Variants in FAM193A observed in about 807,000 individuals in gnomAD.
The protein encoded by FAM193A is protein FAM193A.
In FAM193A, 22 loss-of-function variants were observed where a neutral mutation model predicts 126.5. The ratio of observed to expected loss-of-function variants is 0.17; its 90% CI spans 0.12 to 0.25. FAM193A has a LOEUF of 0.25. Ranked by LOEUF, FAM193A falls within the 10% of genes least tolerant of loss-of-function variation. FAM193A has a pLI of 1.00. For missense variants in FAM193A, 1,675 were observed against 1,672.8 expected (o/e 1.00, Z -0.02); for synonymous variants, 761 against 646.8 (o/e 1.18, Z -2.68).
intron 20 of FAM193A, among the ~76,000 whole-genome samples, chr4:2,731,507 G>A (rs568334633): frequency 2.6e-5 from 4 of 152,098 alleles, no homozygotes; most frequent in East Asian, 3.9e-4. Flanking sequence ...ATTTAAGGGC[G>A]CTCACAGCTC....
intron 2 of FAM193A, among the ~76,000 whole-genome samples, chr4:2,601,560 C>T (rs1475817445): frequency 6.6e-6 from 1 of 150,826 alleles, no homozygotes; most frequent in South Asian, 2.1e-4. Context: ...ATATTTGTGC[C>T]TTCTTTTTTT....
chr4:2,574,088 G>T (rs1312405930), intron 1 of FAM193A, among the ~76,000 whole-genome samples: 1 of 152,060 alleles, frequency 6.6e-6, no homozygotes, highest in African/African-American at 2.4e-5. Flanking sequence ...CAGAAGAGTG[G>T]TATTGTGTCA....
At chr4:2,693,187 T>A (rs756309153) in intron 15 of FAM193A, among the ~76,000 whole-genome samples, 1 of 151,876 alleles carries the variant, frequency 6.6e-6, no homozygotes, top group Non-Finnish European at 1.5e-5. Context: ...CCCAGCTAAT[T>A]TTTTGTATTT....
chr4:2,560,705 A>G (rs1299232664), intron 1 of FAM193A, among the ~76,000 whole-genome samples: 2 of 152,182 alleles, frequency 1.3e-5, no homozygotes, highest in Admixed American at 1.3e-4. Context: ...GGCTTCTGCA[A>G]AACAGCTTTG....
intron 20 of FAM193A, among the ~76,000 whole-genome samples, chr4:2,717,270 G>T (rs761446095): frequency 1.3e-5 from 2 of 152,070 alleles, no homozygotes; most frequent in African/African-American, 4.8e-5. Flanking sequence ...GTGATTAAGC[G>T]TGCATTTGTA....
intron 1 of FAM193A, among the ~76,000 whole-genome samples, chr4:2,549,294 C>T (rs985411605): frequency 1.3e-5 from 2 of 151,188 alleles, no homozygotes; most frequent in African/African-American, 4.9e-5. Context: ...TTCAGTTTAT[C>T]AATTTTTTTC....
chr4:2,607,938 C>G lies in FAM193A; in HGVS notation c.501+11609C>G, dbSNP rs192553829. On this transcript the variant is annotated intron_variant, in intron 2 of 20. Transcript: ENST00000637812. Reference sequence around the variant, plus strand: ...CTATGTGATGGTGTCGCTTTATGAACACAGATTCTTTTCTTTTTTTAACCT... The same window carrying G: ...CTATGTGATGGTGTCGCTTTATGAAGACAGATTCTTTTCTTTTTTTAACCT... 3.0e-5 allele frequency: 42 copies of G among 1,378,468 alleles called. 1 individual carries two copies. The East Asian group carries it at 5.5e-4, about 18-fold the overall frequency. 85.4% of individuals were successfully genotyped at this position (1,378,468 alleles called of 1,614,324 possible).
chr4:2,727,212 T>C (rs1237512384), intron 20 of FAM193A, among the ~76,000 whole-genome samples: 1 of 151,764 alleles, frequency 6.6e-6, no homozygotes, highest in East Asian at 1.9e-4. Context: ...TGAGCCGAGA[T>C]CGCGTCACTG....
At chr4:2,650,868 T>A (rs1745596464) in intron 7 of FAM193A, among the ~76,000 whole-genome samples, 1 of 152,178 alleles carries the variant, frequency 6.6e-6, no homozygotes, top group South Asian at 2.1e-4. Flanking sequence ...AGCAACGGTA[T>A]TTGCCTTTGG....
At chr4:2,548,555 C>A (rs935645483) in intron 1 of FAM193A, among the ~76,000 whole-genome samples, 11 of 151,466 alleles carry the variant, frequency 7.3e-5, no homozygotes, top group African/African-American at 2.4e-4. Context: ...CTCCCAGATT[C>A]AAGTGATTCT....
chr4:2,707,107 G>A (rs1718397776), intron 19 of FAM193A, among the ~76,000 whole-genome samples: 1 of 151,956 alleles, frequency 6.6e-6, no homozygotes, highest in Non-Finnish European at 1.5e-5. Context: ...AGGCAACAGA[G>A]TGAGACTCTG....
chr4:2,689,490 A>G lies in FAM193A; in HGVS notation c.2332-16A>G. ...ATATTAATTTTGATATGTGATTAGAAAATTTTTTTTTGTAGGCTTTACCGC... is the reference window on the plus strand; with the variant it reads ...ATATTAATTTTGATATGTGATTAGAGAATTTTTTTTTGTAGGCTTTACCGC... On this transcript the variant is annotated splice_polypyrimidine_tract_variant and intron_variant, in intron 13 of 20. Coordinates refer to ENST00000637812, the MANE Select transcript of FAM193A (RefSeq NM_001366318.2). 6.5e-7 allele frequency: 1 copy of G among 1,548,004 alleles called. No individual in the cohort carries two copies. The highest frequency in any genetic ancestry group is 8.6e-7 in the Non-Finnish European group (1 of 1,158,740).
At chr4:2,558,875 C>T (rs982071521) in intron 1 of FAM193A, among the ~76,000 whole-genome samples, 10 of 152,116 alleles carry the variant, frequency 6.6e-5, no homozygotes, top group African/African-American at 2.4e-4. Flanking sequence ...GTGGCATGTA[C>T]CTGTAATTCC....
chr4:2,725,601 G>C (rs867987005), intron 20 of FAM193A, among the ~76,000 whole-genome samples: 4 of 151,938 alleles, frequency 2.6e-5, no homozygotes, highest in African/African-American at 9.7e-5. Context: ...CAAAGTAGCT[G>C]TAAATTAACC....
chr4:2,606,020 C>A (rs1471293901), intron 2 of FAM193A, among the ~76,000 whole-genome samples: 2 of 138,156 alleles, frequency 1.4e-5, no homozygotes, highest in African/African-American at 5.3e-5. Flanking sequence ...GTAGAGTGGC[C>A]GTGTTTTGTA....
chr4:2,577,412 TTTTTTTTTTG>T (rs1277928333), intron 1 of FAM193A, among the ~76,000 whole-genome samples: 1 of 124,148 alleles, frequency 8.1e-6, no homozygotes, highest in African/African-American at 3.3e-5. Flanking sequence ...ATTAAAGTGG[TTTTTTTTTTG>T]TTTTTTTTTT....
intron 7 of FAM193A, chr4:2,654,660 C>A (rs1462225970): frequency 6.4e-6 from 1 of 157,410 alleles, no homozygotes; most frequent in Non-Finnish European, 1.4e-5. Context: ...TAACTGCAGA[C>A]ATATACAATG....
intron 14 of FAM193A, among the ~76,000 whole-genome samples, 186 bp from the exon 15 acceptor site, chr4:2,690,512 G>A (rs192288606): frequency 8.5e-5 from 13 of 152,192 alleles, no homozygotes; most frequent in Non-Finnish European, 1.9e-4. Context: ...ACAGGAATTG[G>A]CACATAGTAG....
intron 1 of FAM193A, among the ~76,000 whole-genome samples, chr4:2,555,700 C>T (rs1031655628): frequency 6.6e-6 from 1 of 152,028 alleles, no homozygotes; most frequent in Non-Finnish European, 1.5e-5. Context: ...TCGCCGCAAG[C>T]TCTGCCTCCC....
Sources: gnomAD v4.1 joint callset for allele counts (sites outside exome capture counted in the v4.1 genomes callset) on GRCh38, gnomAD v4.1.1 for gene constraint, MANE v1.5 for transcripts, NCBI Gene and HGNC (gene_info 2026-07-23, HGNC 2026-07-21) for gene names.